MAST1: variants seen among roughly 807,000 people sequenced by gnomAD.
MAST1 encodes the protein microtubule associated serine/threonine kinase 1.
In MAST1, 40 loss-of-function variants were observed where a neutral mutation model predicts 124.6. The ratio of observed to expected loss-of-function variants is 0.32; its 90% CI spans 0.25 to 0.42. The LOEUF (loss-of-function observed/expected upper bound fraction) is 0.42. Ranked by LOEUF, MAST1 falls within the 10% of genes least tolerant of loss-of-function variation. MAST1 has a pLI of 1.00. For synonymous variants in MAST1, 938 were observed against 939.4 expected, an observed-to-expected ratio of 1.00 and a Z score of 0.03; for missense variants, 1,558 against 2,181.9, an observed-to-expected ratio of 0.71 and a Z score of 5.70.
At position 12,843,931 on chromosome 19, in the gene MAST1, G is replaced by A. The variant is rs1014237740; in HGVS notation, c.327+324G>A. Reference sequence around the variant, plus strand: ...CGGGAGGATCGCTGGAGTCTGGGAGGTATAGGCTACAGTTGAGCTGAGATC... The same window carrying A: ...CGGGAGGATCGCTGGAGTCTGGGAGATATAGGCTACAGTTGAGCTGAGATC... On this transcript the variant is annotated intron_variant, in intron 4 of 25. Coordinates refer to ENST00000251472, the MANE Select transcript of MAST1 (RefSeq NM_014975.3). The surrounding 1 kb of genome is among the most constrained non-coding windows in gnomAD (Gnocchi z 4.9). 2.6e-5 allele frequency among the ~76,000 whole-genome samples: 4 copies of A among 152,138 alleles called. No homozygotes were observed. Among genetic ancestry groups the A allele is most frequent in the East Asian group, 1.9e-4 (1 of 5,200 alleles).
chr19:12,867,548 G>A lies in MAST1; in HGVS notation c.2214G>A (p.Arg738=), dbSNP rs772030253. 4.3e-6 allele frequency: 7 copies of A among 1,613,754 alleles called. No individual in the cohort carries two copies. In the Admixed American group the frequency reaches 1.0e-4, roughly 23 times the overall value. ...TPVAAAGSSK[R]EPSTKGPEEK... ...TAGCAGCTGCAGGGAGCAGCAAGCG[G>A]GAGCCGAGCACCAAGGGCCCCGAGG... is the stretch of plus-strand genomic sequence containing the variant. The change falls in exon 19 of 26, where the codon CGG becomes CGA. Residue 738 remains arginine (R), a synonymous_variant. Transcript: ENST00000251472.
In MAST1 at chr19:12,873,982, T is replaced by C; in HGVS notation, c.3825T>C (p.Ser1275=). The change falls in exon 26 of 26, where the codon AGT becomes AGC. Residue 1275 remains serine (S), a synonymous_variant. Transcript: ENST00000251472. ...CCGAGAAGCTGGGAGCCTCTTTGAGTGCGGACAAGAAGGGCGCGCTGCGCA... is the reference window on the plus strand; with the variant it reads ...CCGAGAAGCTGGGAGCCTCTTTGAGCGCGGACAAGAAGGGCGCGCTGCGCA... The part of the protein sequence containing the change: ...QSAEKLGASL[S]ADKKGALRKH... 6.2e-7 allele frequency: 1 copy of C among 1,602,248 alleles called. No homozygotes were observed. Among genetic ancestry groups the C allele is most frequent in the South Asian group, 1.1e-5 (1 of 90,624 alleles).
intron 20 of MAST1, 103 bp from the exon 21 acceptor site, chr19:12,868,540 C>T: frequency 1.0e-6 from 1 of 977,382 alleles, no homozygotes; most frequent in Non-Finnish European, 1.5e-6. Context: ...AACTCACCAT[C>T]CATCAAGGGT....
At position 12,838,835 on chromosome 19, in the gene MAST1, G is replaced by A. The variant is rs893764534; in HGVS notation, c.83+180G>A. ...GGGGGTGGTGTGGGCCGAGTCTGGG[G>A]GGCTTGCACGCTGGAGAGGACGGCC... On this transcript the variant is annotated intron_variant, in intron 1 of 25. Transcript: ENST00000251472. This position sits in a 1 kb window ranked among gnomAD's most constrained non-coding sequence, Gnocchi z 4.3. 1.3e-5 allele frequency among the ~76,000 whole-genome samples: 2 copies of A among 151,840 alleles called. No homozygotes were observed. Among genetic ancestry groups the A allele is most frequent in the Admixed American group, 1.3e-4 (2 of 15,250 alleles).
Position 12,874,211 on chromosome 19 carries a change from A to C in MAST1, c.4054A>C (p.Arg1352=), listed in dbSNP as rs1426771881. 14 of 1,545,428 alleles carry C rather than the reference A, an allele frequency of 9.1e-6. No individual in the cohort carries two copies. The highest frequency in any genetic ancestry group is 1.2e-5 in the Non-Finnish European group (14 of 1,148,262). Residue 1352 remains arginine, a synonymous_variant, in exon 26 of 26, where the codon AGG becomes CGG. Coordinates refer to ENST00000251472, the MANE Select transcript of MAST1 (RefSeq NM_014975.3). This position sits in a 1 kb window ranked among gnomAD's most constrained non-coding sequence, Gnocchi z 6.6. ...CCCGTTGCTGCCCGAGGGTGCCTCC[A>C]GGCCACCAGTGTCGAGCAAGGAGAA... ...ADPLLPEGAS[R]PPVSSKEKES...
chr19:12,873,981 G>T lies in MAST1; in HGVS notation c.3824G>T (p.Ser1275Ile). 6.2e-7 allele frequency: 1 copy of T among 1,602,138 alleles called. No individual in the cohort carries two copies. Among genetic ancestry groups the T allele is most frequent in the East Asian group, 2.2e-5 (1 of 44,758 alleles). Residue 1275 changes from serine (S) to isoleucine (I), a missense_variant, in exon 26 of 26, where the codon AGT (serine) becomes ATT (isoleucine). Ser to Ile is a moderately radical substitution (Grantham distance 142). This residue lies in a region of MAST1 where 263 missense variants were observed against 310.9 expected (regional missense o/e 0.85). Coordinates refer to ENST00000251472, the MANE Select transcript of MAST1 (RefSeq NM_014975.3). ...GCCGAGAAGCTGGGAGCCTCTTTGA[G>T]TGCGGACAAGAAGGGCGCGCTGCGC... is the stretch of plus-strand genomic sequence containing the variant. ...QSAEKLGASL[S>I]ADKKGALRKH...
At chr19:12,846,211 T>A (rs73004640) in intron 4 of MAST1, among the ~76,000 whole-genome samples, 1 of 151,996 alleles carries the variant, frequency 6.6e-6, no homozygotes, top group Non-Finnish European at 1.5e-5. Context: ...CTCTCTCTTT[T>A]TAACTTTAAA....
chr19:12,868,607 T>G (rs1970192837), intron 20 of MAST1, 36 bp from the exon 21 acceptor site: 1 of 1,523,674 alleles, frequency 6.6e-7, no homozygotes, highest in Non-Finnish European at 8.9e-7. Context: ...TCCCTGGCCT[T>G]GGACTAATTC....
Position 12,874,088 on chromosome 19 carries a change from G to A in MAST1, c.3931G>A (p.Asp1311Asn). Residue 1311 changes from aspartate (D) to asparagine (N), a missense_variant, in exon 26 of 26, where the codon GAC becomes AAC. Physicochemically the swap from Asp to Asn is conservative, Grantham distance 23. Transcript: ENST00000251472. The surrounding 1 kb of genome is among the most constrained non-coding windows in gnomAD (Gnocchi z 6.6). ...ELALHSLAESDGETPPVEGLG... is the reference protein window; with the variant it reads ...ELALHSLAESNGETPPVEGLG... Reference sequence around the variant, plus strand: ...GGCGCTGCATAGCCTTGCCGAGTCCGACGGTGAGACGCCCCCAGTCGAGGG... The same window carrying A: ...GGCGCTGCATAGCCTTGCCGAGTCCAACGGTGAGACGCCCCCAGTCGAGGG... The A allele has an allele frequency of 6.4e-7, 1 of 1,568,346 alleles. No homozygotes were observed. The highest frequency in any genetic ancestry group is 8.6e-7 in the Non-Finnish European group (1 of 1,160,064).
intron 4 of MAST1, among the ~76,000 whole-genome samples, chr19:12,845,099 C>T (rs186543399): frequency 1.1e-3 from 163 of 152,032 alleles, no homozygotes; most frequent in Non-Finnish European, 1.7e-3. Context: ...GTCAGGAGTT[C>T]GAGACCAGCC....
chr19:12,864,017 C>G (rs1018923476), intron 12 of MAST1, among the ~76,000 whole-genome samples: 3 of 151,784 alleles, frequency 2.0e-5, no homozygotes, highest in African/African-American at 4.8e-5. Flanking sequence ...CTCTGCCTCC[C>G]AGGTTCAAGC....
At chr19:12,854,861 C>T (rs80039442) in intron 10 of MAST1, among the ~76,000 whole-genome samples, 3,014 of 152,244 alleles carry the variant, frequency 0.02, 51 homozygotes, top group Non-Finnish European at 0.032. Context: ...CACACTTTGG[C>T]AGATGTTCCA....
chr19:12,851,646 C>A (rs936205065), intron 7 of MAST1, among the ~76,000 whole-genome samples: 1 of 152,200 alleles, frequency 6.6e-6, no homozygotes, highest in African/African-American at 2.4e-5. Context: ...GCCACCACGC[C>A]TGGCTCATTT....
At chr19:12,852,850 A>AG (rs1375763251) in intron 10 of MAST1, among the ~76,000 whole-genome samples, 1 of 146,530 alleles carries the variant, frequency 6.8e-6, no homozygotes, top group Non-Finnish European at 1.5e-5. Context: ...ACTGTCTCAA[A>AG]AAATAAAATA....
rs34217759 is a variant in MAST1, at chr19:12,855,940, A to ATT, written c.1078-2407_1078-2406dup. Among the ~76,000 whole-genome samples the ATT allele has an allele frequency of 4.4e-3, 607 of 137,864 alleles. 8 individuals carry two copies. The highest frequency in any genetic ancestry group is 0.029 in the Admixed American group (390 of 13,618). The allele number at this position is 137,864 out of a possible 152,430, so 90.4% of individuals were successfully genotyped here. On this transcript the variant is annotated intron_variant, in intron 10 of 25. Transcript: ENST00000251472. ...GCAAATTCTCCTTGTAATTCTGTCA[A>ATT]TTTTTTTTTTTTTTTTGCCATTTTG...
rs1040643540 is a variant in MAST1, at chr19:12,874,096, G to A, written c.3939G>A (p.Glu1313=). The A allele has an allele frequency of 6.4e-7, 1 of 1,563,042 alleles. No individual in the cohort carries two copies. Among genetic ancestry groups the A allele is most frequent in the South Asian group, 1.2e-5 (1 of 85,622 alleles). The change falls in exon 26 of 26, where the codon GAG becomes GAA. Residue 1313 remains glutamate, a synonymous_variant. Transcript: ENST00000251472. This position sits in a 1 kb window ranked among gnomAD's most constrained non-coding sequence, Gnocchi z 6.6. The stretch of plus-strand genomic sequence containing the variant: ...ATAGCCTTGCCGAGTCCGACGGTGA[G>A]ACGCCCCCAGTCGAGGGCCTTGGCG... ...ALHSLAESDG[E]TPPVEGLGAP...
chr19:12,858,498 G>T, intron 11 of MAST1, 33 bp from the exon 12 acceptor site: 1 of 1,612,302 alleles, frequency 6.2e-7, no homozygotes, highest in Non-Finnish European at 8.5e-7. Flanking sequence ...TGTCTCGGAG[G>T]TGACGGCCGG....
At chr19:12,849,839 C>A (rs1969940265) in intron 7 of MAST1, among the ~76,000 whole-genome samples, 1 of 151,740 alleles carries the variant, frequency 6.6e-6, no homozygotes, top group Non-Finnish European at 1.5e-5. Flanking sequence ...CTCTATCCCA[C>A]TGGGCTGGAG....
intron 22 of MAST1, among the ~76,000 whole-genome samples, chr19:12,869,609 T>C (rs1167979796): frequency 1.3e-5 from 2 of 152,070 alleles, no homozygotes; most frequent in Non-Finnish European, 2.9e-5. Context: ...AGCTAATTTT[T>C]GTATTTTTAG....
Sources: allele counts gnomAD v4.1 joint callset (sites outside exome capture counted in the v4.1 genomes callset), GRCh38; gene constraint gnomAD v4.1.1; regional missense constraint gnomAD v4.1.1; non-coding constraint Gnocchi (gnomAD v3.1); transcripts MANE v1.5; gene names NCBI Gene and HGNC (gene_info 2026-07-23, HGNC 2026-07-21).